HAPSTR1: variants seen among roughly 807,000 people sequenced by gnomAD.
HAPSTR1 encodes HUWE1 associated protein modifying stress responses, also known as HUWE1-associated protein modifying stress responses 1.
the HAPSTR1 span, among the ~76,000 whole-genome samples, chr16:9,113,883 C>T: frequency 1.6e-3 from 245 of 152,228 alleles, no homozygotes; most frequent in African/African-American, 5.7e-3. Flanking sequence ...GAAGAGAACA[C>T]CTGGGTTTAT....
chr16:9,119,408 A>G, the HAPSTR1 span: 1 of 152,208 alleles, frequency 6.6e-6, no homozygotes, highest in Non-Finnish European at 1.5e-5. Context: ...GTTTTGGGGA[A>G]CAGAAGCTCT....
chr16:9,115,828 T>A, the HAPSTR1 span, among the ~76,000 whole-genome samples: 1 of 152,168 alleles, frequency 6.6e-6, no homozygotes, highest in African/African-American at 2.4e-5. Context: ...TTGGCCAGGC[T>A]GGTCATGAAC....
At chr16:9,105,516 A>G in the HAPSTR1 span, 1 of 152,220 alleles carries the variant, frequency 6.6e-6, no homozygotes, top group African/African-American at 2.4e-5. Context: ...AAAGAAAGTA[A>G]TTTGAATGGT....
chr16:9,101,055 G>A, the HAPSTR1 span, among the ~76,000 whole-genome samples: 3 of 152,142 alleles, frequency 2.0e-5, no homozygotes, highest in African/African-American at 7.2e-5. Flanking sequence ...AAACCTGATT[G>A]CTTCTAGGTT....
At chr16:9,103,249 A>G in the HAPSTR1 span, 1 of 1,613,062 alleles carries the variant, frequency 6.2e-7, no homozygotes, top group Non-Finnish European at 8.5e-7. Flanking sequence ...GGGAAGCCAT[A>G]GCTCTGCATG....
the HAPSTR1 span, among the ~76,000 whole-genome samples, chr16:9,102,545 T>C: frequency 6.6e-6 from 1 of 152,250 alleles, no homozygotes; most frequent in African/African-American, 2.4e-5. Context: ...CTAAAACATT[T>C]GCTGCTGCCT....
chr16:9,104,622 A>T, the HAPSTR1 span: 1 of 152,200 alleles, frequency 6.6e-6, no homozygotes, highest in African/African-American at 2.4e-5. Flanking sequence ...TGTTTAGGAC[A>T]ATTAAAAACA....
the HAPSTR1 span, among the ~76,000 whole-genome samples, chr16:9,101,824 G>T: frequency 6.6e-6 from 1 of 151,622 alleles, no homozygotes; most frequent in Non-Finnish European, 1.5e-5. Context: ...AGATGTAGCA[G>T]ACAAGAAATT....
At chr16:9,120,078 T>C in the HAPSTR1 span, 1 of 152,246 alleles carries the variant, frequency 6.6e-6, no homozygotes, top group East Asian at 1.9e-4. Context: ...ATTAATCTCA[T>C]TGCATTTTAC....
At chr16:9,106,975 A>T in the HAPSTR1 span, 1 of 152,058 alleles carries the variant, frequency 6.6e-6, no homozygotes, top group African/African-American at 2.4e-5. Context: ...GCTTCTCCTT[A>T]CCTTGGCTTC....
At chr16:9,109,228 G>C in the HAPSTR1 span, 2 of 152,018 alleles carry the variant, frequency 1.3e-5, no homozygotes, top group African/African-American at 2.4e-5. Context: ...GAGTTGCCCT[G>C]TCCAACCCAG....
chr16:9,093,038 G>C, the HAPSTR1 span: 1 of 1,571,278 alleles, frequency 6.4e-7, no homozygotes, highest in Non-Finnish European at 8.7e-7. Context: ...ATTCAGGGAA[G>C]GGCCGCCTGC....
At chr16:9,094,166 G>A in the HAPSTR1 span, among the ~76,000 whole-genome samples, 2 of 152,140 alleles carry the variant, frequency 1.3e-5, no homozygotes, top group African/African-American at 4.8e-5. Flanking sequence ...AGTAATTTGA[G>A]AACTGGTAAC....
the HAPSTR1 span, among the ~76,000 whole-genome samples, chr16:9,094,063 T>C: frequency 6.6e-6 from 1 of 152,152 alleles, no homozygotes. Flanking sequence ...AAGTTGTTAA[T>C]TTTTGCATAA....
chr16:9,093,118 T>A, the HAPSTR1 span: 2 of 1,026,328 alleles, frequency 1.9e-6, no homozygotes, highest in East Asian at 5.2e-5. Flanking sequence ...CTTGAATACC[T>A]TGCAACTTGA....
the HAPSTR1 span, chr16:9,093,106 A>C: frequency 9.3e-7 from 1 of 1,080,914 alleles, no homozygotes; most frequent in Non-Finnish European, 1.4e-6. Flanking sequence ...CCAGCTGCTA[A>C]CCTTGAATAC....
At chr16:9,106,295 T>G in the HAPSTR1 span, 3 of 151,194 alleles carry the variant, frequency 2.0e-5, no homozygotes, top group African/African-American at 7.3e-5. Flanking sequence ...CAAATAGGTT[T>G]TTTTTTTTTT....
At chr16:9,118,337 TC>T in the HAPSTR1 span, 1 of 152,674 alleles carries the variant, frequency 6.5e-6, no homozygotes, top group African/African-American at 2.4e-5. Context: ...TAAGGGTTTT[TC>T]CAGTAATTAC....
At chr16:9,096,393 A>T in the HAPSTR1 span, among the ~76,000 whole-genome samples, 2 of 112,796 alleles carry the variant, frequency 1.8e-5, no homozygotes, top group East Asian at 4.5e-4. Flanking sequence ...TTCCTTCTTC[A>T]TCTTCTTTCC....
Sources: allele counts gnomAD v4.1 joint callset (sites outside exome capture counted in the v4.1 genomes callset), GRCh38; gene constraint gnomAD v4.1.1; transcripts MANE v1.5; gene names NCBI Gene and HGNC (gene_info 2026-07-23, HGNC 2026-07-21).